The following RLF variants were observed in gnomAD, a reference collection of about 807,000 sequenced individuals.
RLF encodes RLF zinc finger.
RLF carries 7 observed loss-of-function variants against 162.9 expected under a neutral mutation model. That is an observed-to-expected ratio of 0.04 (90% CI 0.02 to 0.08). The LOEUF is 0.08. Ranked by LOEUF, RLF falls within the 10% of genes least tolerant of loss-of-function variation. The pLI, the probability that RLF is intolerant of heterozygous loss-of-function variation, is 1.00. For missense variants in RLF, 1,664 were observed against 2,244.7 expected (o/e 0.74, Z 5.23); for synonymous variants, 782 against 791.5 (o/e 0.99, Z 0.20).
intron 3 of RLF, among the ~76,000 whole-genome samples, chr1:40,191,190 A>T (rs772565130): frequency 1.1e-4 from 16 of 152,222 alleles, no homozygotes; most frequent in Non-Finnish European, 1.9e-4. Context: ...CCTTCAATAT[A>T]CAAAACACTA....
intron 5 of RLF, among the ~76,000 whole-genome samples, chr1:40,216,631 CG>C (rs1258620599): frequency 6.6e-6 from 1 of 152,036 alleles, no homozygotes; most frequent in Non-Finnish European, 1.5e-5. Context: ...AAAACATTTA[CG>C]GAAGAATTAA....
Position 40,232,901 on chromosome 1 carries a change from A to G in RLF, c.1089+1243A>G, listed in dbSNP as rs186449277. 3.3e-5 allele frequency among the ~76,000 whole-genome samples: 5 copies of G among 152,104 alleles called. No individual in the cohort carries two copies. In the East Asian group the frequency reaches 9.7e-4, roughly 29 times the overall value. Reference sequence around the variant, plus strand: ...TTTTTGGCGGGGAGCAGTGGTAGATACAGGGTCTTGCTTTGTTGCCCAGAC... The same window carrying G: ...TTTTTGGCGGGGAGCAGTGGTAGATGCAGGGTCTTGCTTTGTTGCCCAGAC... On this transcript the variant is annotated intron_variant, in intron 7 of 7. Transcript: ENST00000372771.
At chr1:40,182,757 A>G (rs57937021) in intron 1 of RLF, among the ~76,000 whole-genome samples, 120 of 28,900 alleles carry the variant, frequency 4.2e-3, no homozygotes, top group East Asian at 0.012. Context: ...AGATAGGTAG[A>G]TAGATAGATA....
intron 7 of RLF, among the ~76,000 whole-genome samples, chr1:40,233,524 T>C (rs1033114260): frequency 6.6e-5 from 10 of 152,324 alleles, no homozygotes; most frequent in African/African-American, 2.2e-4. Context: ...GATAAACTTC[T>C]ATCACATCAT....
At chr1:40,169,622 CAAA>C (rs886534976) in intron 1 of RLF, among the ~76,000 whole-genome samples, 8 of 46,976 alleles carry the variant, frequency 1.7e-4, no homozygotes, top group East Asian at 1.3e-3. Flanking sequence ...GACTCCGTCT[CAAA>C]AAAAAAAAAA....
chr1:40,239,625 C>CT lies in RLF; in HGVS notation c.4924dup (p.Cys1642LeufsTer5). ...GTGCACCCATCCAGAACACTGATTG[C>CT]TGTCATTCAAGTGAAAGGGATGGAG... On this transcript the variant is annotated frameshift_variant, in exon 8 of 8. Transcript: ENST00000372771. LOFTEE classifies it high-confidence loss of function. The CT allele has an allele frequency of 6.2e-7, 1 of 1,614,150 alleles. No homozygotes were observed. Among genetic ancestry groups the CT allele is most frequent in the Non-Finnish European group, 8.5e-7 (1 of 1,180,028 alleles).
chr1:40,203,168 G>A (rs1642742192), intron 5 of RLF, among the ~76,000 whole-genome samples: 2 of 144,908 alleles, frequency 1.4e-5, no homozygotes, highest in South Asian at 4.4e-4. Flanking sequence ...AGGCAGGAGT[G>A]CAGTGGTGCA....
In RLF at chr1:40,180,398, A is replaced by G. The variant is rs1281074081; in HGVS notation, c.238-8657A>G. Among the ~76,000 whole-genome samples, 4 of 152,024 alleles carry G rather than the reference A, an allele frequency of 2.6e-5. No individual in the cohort carries two copies. The East Asian group carries it at 7.7e-4, about 29-fold the overall frequency. On this transcript the variant is annotated intron_variant, in intron 1 of 7. Transcript: ENST00000372771. Reference sequence around the variant, plus strand: ...CTCAGCCTCCTGAGTGGCTGGGATTATAGGCGCCCGCCACCACGCCTAGCT... The same window carrying G: ...CTCAGCCTCCTGAGTGGCTGGGATTGTAGGCGCCCGCCACCACGCCTAGCT...
chr1:40,222,000 T>A (rs1643006212), intron 5 of RLF, among the ~76,000 whole-genome samples: 1 of 152,058 alleles, frequency 6.6e-6, no homozygotes, highest in Non-Finnish European at 1.5e-5. Context: ...TTTTTAAGAT[T>A]TAAGTCATAT....
Position 40,238,845 on chromosome 1 carries a change from G to A in RLF, c.4143G>A (p.Lys1381=), listed in dbSNP as rs774151656. The change falls in exon 8 of 8, where the codon AAG becomes AAA. Residue 1381 remains lysine (K), a synonymous_variant. Transcript: ENST00000372771. The surrounding 1 kb of genome is among the most constrained non-coding windows in gnomAD (Gnocchi z 5.2). The stretch of plus-strand genomic sequence containing the variant: ...TCCTGTGTTCCAAAGCTCTTGCTAA[G>A]CACTGTAGTGATTCTCATAACCTAG... ...KRFLCSKALA[K]HCSDSHNLDH... The A allele has an allele frequency of 1.2e-6, 2 of 1,614,202 alleles. No individual in the cohort carries two copies. Among genetic ancestry groups the A allele is most frequent in the Non-Finnish European group, 1.7e-6 (2 of 1,180,010 alleles).
chr1:40,236,161 G>A lies in RLF; in HGVS notation c.1459G>A (p.Ala487Thr). Reference protein sequence around the residue: ...RHCHQLLGQEASDSDDDLSGY... With the variant: ...RHCHQLLGQETSDSDDDLSGY... The stretch of plus-strand genomic sequence containing the variant: ...CTGCCACCAACTTTTAGGACAAGAA[G>A]CCTCAGATTCTGATGATGATTTAAG... Residue 487 changes from alanine (A) to threonine (T), a missense_variant, in exon 8 of 8, where the codon GCC becomes ACC. By Grantham distance (58) the Ala-to-Thr change is moderately conservative (BLOSUM62 0). This residue lies in a region of RLF where 54 missense variants were observed against 71.7 expected (regional missense o/e 0.75). Transcript: ENST00000372771. The surrounding 1 kb of genome is among the most constrained non-coding windows in gnomAD (Gnocchi z 7.7). 6.2e-7 allele frequency: 1 copy of A among 1,613,808 alleles called. No homozygotes were observed. Among genetic ancestry groups the A allele is most frequent in the Non-Finnish European group, 8.5e-7 (1 of 1,179,942 alleles).
chr1:40,224,213 C>T (rs1172953894), intron 6 of RLF, among the ~76,000 whole-genome samples: 1 of 151,794 alleles, frequency 6.6e-6, no homozygotes, highest in Non-Finnish European at 1.5e-5. Context: ...GTGGCCTCCT[C>T]AGGAGCTATA....
chr1:40,237,093 G>A lies in RLF; in HGVS notation c.2391G>A (p.Arg797=). 6.2e-7 allele frequency: 1 copy of A among 1,613,906 alleles called. No homozygotes were observed. Among genetic ancestry groups the A allele is most frequent in the Non-Finnish European group, 8.5e-7 (1 of 1,179,916 alleles). ...ACCACCATGAAGCACAACACTTTAG[G>A]GATGCATCTTACACATGCAACTTCC... ...QLYHHEAQHF[R]DASYTCNFLG... is the part of the protein sequence containing the mutation. The change falls in exon 8 of 8, where the codon AGG becomes AGA. Residue 797 remains arginine, a synonymous_variant. Coordinates refer to ENST00000372771, the MANE Select transcript of RLF (RefSeq NM_012421.4). The surrounding 1 kb of genome is among the most constrained non-coding windows in gnomAD (Gnocchi z 4.4).
At chr1:40,190,558 T>G (rs1185119343) in intron 2 of RLF, among the ~76,000 whole-genome samples, 1 of 152,194 alleles carries the variant, frequency 6.6e-6, no homozygotes, top group Non-Finnish European at 1.5e-5. Context: ...CCAAATGTAC[T>G]AAAGCAACAA....
chr1:40,215,408 T>G (rs192115343), intron 5 of RLF, among the ~76,000 whole-genome samples: 24 of 152,012 alleles, frequency 1.6e-4, no homozygotes, highest in Non-Finnish European at 5.9e-5. Context: ...TAAATAAATT[T>G]TAAAGGATTG....
intron 5 of RLF, among the ~76,000 whole-genome samples, chr1:40,206,069 C>T (rs1024709253): frequency 1.3e-5 from 2 of 152,166 alleles, no homozygotes; most frequent in Non-Finnish European, 2.9e-5. Context: ...CTGTTCCCTC[C>T]TCCAAACTCC....
At chr1:40,224,743 T>C (rs1352647514) in intron 6 of RLF, among the ~76,000 whole-genome samples, 1 of 145,276 alleles carries the variant, frequency 6.9e-6, no homozygotes, top group East Asian at 2.2e-4. Context: ...TCTCAGCACT[T>C]TGGGAGGCCA....
At chr1:40,170,776 G>A (rs1642233217) in intron 1 of RLF, among the ~76,000 whole-genome samples, 1 of 152,102 alleles carries the variant, frequency 6.6e-6, no homozygotes, top group South Asian at 2.1e-4. Context: ...TTATAATTTG[G>A]GGAAAGTAGA....
intron 4 of RLF, among the ~76,000 whole-genome samples, chr1:40,200,869 CA>C (rs35575219): frequency 4.3e-4 from 3 of 7,020 alleles, no homozygotes; most frequent in African/African-American, 1.9e-3. Context: ...TGCTACTCTA[CA>C]CACACACACA....
Sources: gnomAD v4.1 joint callset for allele counts (sites outside exome capture counted in the v4.1 genomes callset) on GRCh38, gnomAD v4.1.1 for gene constraint, gnomAD v4.1.1 regional missense constraint, Gnocchi (gnomAD v3.1) non-coding constraint, MANE v1.5 for transcripts, NCBI Gene and HGNC (gene_info 2026-07-23, HGNC 2026-07-21) for gene names.